CCDC141: variants seen among roughly 807,000 people sequenced by gnomAD.
CCDC141 encodes the protein coiled-coil domain containing 141.
CCDC141 carries 168 observed loss-of-function variants against 181.0 expected under a neutral mutation model. That is an observed-to-expected ratio of 0.93 (90% CI 0.82 to 1.05). The LOEUF is 1.05. Ranked by LOEUF, CCDC141 falls within the 50% of genes least tolerant of loss-of-function variation. The probability of loss-of-function intolerance (pLI) is 0.00; values close to 1 mark genes in which losing one functional copy is unlikely to be tolerated. For missense variants in CCDC141, 1,902 were observed against 1,788.5 expected, an observed-to-expected ratio of 1.06 and a Z score of -1.14; for synonymous variants, 666 against 642.3, an observed-to-expected ratio of 1.04 and a Z score of -0.56.
chr2:178,876,127 G>T (rs1250541104), intron 12 of CCDC141: 1 of 152,086 alleles, frequency 6.6e-6, no homozygotes, highest in Non-Finnish European at 1.5e-5. Flanking sequence ...AACAACAAAA[G>T]TTGAAACAAG....
chr2:178,954,703 C>G (rs1158632800), intron 5 of CCDC141, among the ~76,000 whole-genome samples: 1 of 152,040 alleles, frequency 6.6e-6, no homozygotes, highest in Admixed American at 6.6e-5. Flanking sequence ...TTCTAATTTT[C>G]TACTTAATTT....
chr2:178,983,110 G>A (rs1691515182), intron 2 of CCDC141, among the ~76,000 whole-genome samples: 1 of 152,186 alleles, frequency 6.6e-6, no homozygotes, highest in African/African-American at 2.4e-5. Context: ...GTACGCAGCT[G>A]GAGATCTGAG....
intron 8 of CCDC141, among the ~76,000 whole-genome samples, chr2:178,894,280 A>C (rs1220195316): frequency 6.6e-6 from 1 of 152,162 alleles, no homozygotes; most frequent in Non-Finnish European, 1.5e-5. Flanking sequence ...GGTCACTGCA[A>C]AGCTGCTAAG....
the CCDC141 span, among the ~76,000 whole-genome samples, chr2:178,821,683 GAAATGCAAATCA>G: frequency 2.9e-3 from 435 of 152,272 alleles, 1 homozygote; most frequent in South Asian, 9.4e-3. Context: ...GGCCATCAGA[GAAATGCAAATCA>G]AAACCACAAT....
Position 178,886,773 on chromosome 2 carries a change from C to A in CCDC141, c.1506G>T (p.Leu502=), listed in dbSNP as rs189637368. Residue 502 remains leucine (L), a synonymous_variant, in exon 10 of 24, where the codon CTG becomes CTT. Coordinates refer to ENST00000443758, the MANE Select transcript of CCDC141 (RefSeq NM_173648.4). ...SESEKILNKY[L]ELDIQAKETS... is the part of the protein sequence containing the mutation. ...TTACCTTAGCTTGGATATCTAGTTC[C>A]AGATATTTATTCAAAATCTTCTCTG... The A allele has an allele frequency of 6.2e-6, 9 of 1,451,180 alleles. No homozygotes were observed. Among genetic ancestry groups the A allele is most frequent in the Non-Finnish European group, 8.3e-6 (9 of 1,083,198 alleles). 89.9% of individuals were successfully genotyped at this position (1,451,180 alleles called of 1,614,324 possible). A position where few individuals can be genotyped will look rare whatever the true frequency, so the allele number is the denominator to read the frequency against.
At chr2:178,893,493 T>C (rs1425301645) in intron 8 of CCDC141, among the ~76,000 whole-genome samples, 4 of 152,134 alleles carry the variant, frequency 2.6e-5, no homozygotes, top group Non-Finnish European at 5.9e-5. Flanking sequence ...CTCTGTCTCA[T>C]TGGGAGGGAT....
intron 6 of CCDC141, among the ~76,000 whole-genome samples, chr2:178,921,120 A>G (rs1688670437): frequency 6.6e-6 from 1 of 152,254 alleles, no homozygotes; most frequent in South Asian, 2.1e-4. Context: ...TTCTCAGTGC[A>G]TGCAAAAGCA....
At chr2:179,004,319 C>T (rs571497437) in intron 2 of CCDC141, among the ~76,000 whole-genome samples, 2 of 152,194 alleles carry the variant, frequency 1.3e-5, no homozygotes, top group East Asian at 3.9e-4. Context: ...ATTATTGCTA[C>T]CATATTGCCA....
downstream of CCDC141, among the ~76,000 whole-genome samples, chr2:178,826,257 C>A (rs1226084828): frequency 8.5e-5 from 13 of 152,154 alleles, no homozygotes; most frequent in Admixed American, 8.5e-4. Context: ...TTTGAAAGAG[C>A]CGTATATACC....
At chr2:178,953,405 C>G (rs1690036883) in intron 5 of CCDC141, among the ~76,000 whole-genome samples, 2 of 151,654 alleles carry the variant, frequency 1.3e-5, no homozygotes, top group Non-Finnish European at 2.9e-5. Context: ...CCACTGCACT[C>G]CAGCCTGGGC....
rs1403400493 is a variant in CCDC141, at chr2:179,015,529, CAT to C, written c.225+31753_225+31754del. On this transcript the variant is annotated intron_variant, in intron 2 of 23. Coordinates refer to ENST00000443758, the MANE Select transcript of CCDC141 (RefSeq NM_173648.4). ...TATCATATATGTATCACATATATCTCATATATATGATATATATATCTCATATC... is the reference window on the plus strand; with the variant it reads ...TATCATATATGTATCACATATATCTCATATATGATATATATATCTCATATC... Among the ~76,000 whole-genome samples, 2 of 125,644 alleles carry C rather than the reference CAT, an allele frequency of 1.6e-5. 1 individual carries two copies. Among genetic ancestry groups the C allele is most frequent in the African/African-American group, 5.6e-5 (2 of 35,902 alleles). The allele number at this position is 125,644 out of a possible 152,430, so 82.4% of individuals were successfully genotyped here. A position where few individuals can be genotyped will look rare whatever the true frequency, so the allele number is the denominator to read the frequency against.
At chr2:178,932,781 T>C (rs1317395580) in intron 6 of CCDC141, among the ~76,000 whole-genome samples, 1 of 152,198 alleles carries the variant, frequency 6.6e-6, no homozygotes, top group Non-Finnish European at 1.5e-5. Context: ...TACTGTGTAA[T>C]CAGAAAAATA....
At chr2:178,930,882 A>G (rs1338030764) in intron 6 of CCDC141, among the ~76,000 whole-genome samples, 2 of 152,198 alleles carry the variant, frequency 1.3e-5, no homozygotes, top group Non-Finnish European at 2.9e-5. Flanking sequence ...ATAAATTTTC[A>G]TAATTTTGGA....
At chr2:179,048,888 C>T (rs1380225105) in intron 1 of CCDC141, among the ~76,000 whole-genome samples, 1 of 152,144 alleles carries the variant, frequency 6.6e-6, no homozygotes, top group Admixed American at 6.5e-5. Context: ...AAATTCACAG[C>T]AATTAAGTTA....
Position 178,868,017 on chromosome 2 carries a change from G to T in CCDC141, c.2574+9C>A. 6.3e-7 allele frequency: 1 copy of T among 1,598,012 alleles called. No individual in the cohort carries two copies. Among genetic ancestry groups the T allele is most frequent in the Non-Finnish European group, 8.6e-7 (1 of 1,167,416 alleles). ...CTGAGTCTAAATGATAGTGTTATTA[G>T]ATGCTTACAGGCCGCTGCACTGATG... On this transcript the variant is annotated intron_variant, in intron 16 of 23. Coordinates refer to ENST00000443758, the MANE Select transcript of CCDC141 (RefSeq NM_173648.4).
Position 178,837,741 on chromosome 2 carries a change from G to C in CCDC141, c.3478C>G (p.Gln1160Glu). The C allele has an allele frequency of 6.3e-7, 1 of 1,587,538 alleles. No individual in the cohort carries two copies. The highest frequency in any genetic ancestry group is 2.2e-5 in the East Asian group (1 of 44,672). Reference protein sequence around the residue: ...TIFNEERNKGQVQVADLLGIN... With the variant: ...TIFNEERNKGEVQVADLLGIN... ...CCCAAAAGATCTGCCACCTGCACCT[G>C]CCCCTTGAAAAAAGAAAAGCCAAAT... is the stretch of plus-strand genomic sequence containing the variant. The change falls in exon 23 of 24, where the codon CAG (glutamine) becomes GAG (glutamate). Residue 1160 changes from glutamine to glutamate, a missense_variant. Gln to Glu is a conservative substitution (Grantham distance 29, BLOSUM62 2). Transcript: ENST00000443758.
At chr2:179,013,982 AAAAAAG>A (rs1280395385) in intron 2 of CCDC141, among the ~76,000 whole-genome samples, 1 of 148,822 alleles carries the variant, frequency 6.7e-6, no homozygotes, top group African/African-American at 2.5e-5. Context: ...AAAAAAAAAA[AAAAAAG>A]GACAAATCTA....
chr2:178,866,849 C>T (rs1362156498), intron 16 of CCDC141, among the ~76,000 whole-genome samples: 1 of 152,114 alleles, frequency 6.6e-6, no homozygotes, highest in Non-Finnish European at 1.5e-5. Context: ...CCTCAGCCTC[C>T]CAAGTAATTG....
chr2:178,907,656 C>G (rs1688031166), intron 7 of CCDC141, among the ~76,000 whole-genome samples: 1 of 152,116 alleles, frequency 6.6e-6, no homozygotes, highest in Non-Finnish European at 1.5e-5. Flanking sequence ...TTTTGCTTTC[C>G]TGCAGTTGGC....
Sources: allele counts gnomAD v4.1 joint callset (sites outside exome capture counted in the v4.1 genomes callset), GRCh38; gene constraint gnomAD v4.1.1; transcripts MANE v1.5; gene names NCBI Gene and HGNC (gene_info 2026-07-23, HGNC 2026-07-21).